The following CABLES1 variants were observed in gnomAD, a reference collection of about 807,000 sequenced individuals.
CABLES1 encodes the protein CDK5 and ABL1 enzyme substrate 1.
A neutral mutation model predicts 57.8 loss-of-function variants in CABLES1; 36 were observed. That is an observed-to-expected ratio of 0.62 (90% CI 0.48 to 0.82). The LOEUF (loss-of-function observed/expected upper bound fraction) is 0.82. Ranked by LOEUF, CABLES1 falls within the 40% of genes least tolerant of loss-of-function variation. The pLI, the probability that CABLES1 is intolerant of heterozygous loss-of-function variation, is 0.00. For synonymous variants in CABLES1, 374 were observed against 363.0 expected (o/e 1.03, Z -0.35); for missense variants, 767 against 836.6 (o/e 0.92, Z 1.03).
chr18:23,202,595 C>A (rs1281046960), intron 3 of CABLES1, among the ~76,000 whole-genome samples: 2 of 152,224 alleles, frequency 1.3e-5, no homozygotes, highest in African/African-American at 4.8e-5. Context: ...CCATTAGATA[C>A]ACCCTTGAAG....
intron 2 of CABLES1, among the ~76,000 whole-genome samples, chr18:23,190,869 G>A (rs1037382525): frequency 1.3e-5 from 2 of 152,004 alleles, no homozygotes; most frequent in African/African-American, 4.8e-5. Context: ...TAGTCTAGGA[G>A]TTCAAGACCA....
intron 3 of CABLES1, among the ~76,000 whole-genome samples, chr18:23,207,295 T>A (rs1320095846): frequency 1.3e-5 from 2 of 152,140 alleles, no homozygotes; most frequent in Admixed American, 6.5e-5. Context: ...CAGAGGGGAG[T>A]GGAAACGCTG....
intron 1 of CABLES1, among the ~76,000 whole-genome samples, chr18:23,169,415 G>T (rs2047066862): frequency 6.6e-6 from 1 of 152,152 alleles, no homozygotes; most frequent in Non-Finnish European, 1.5e-5. Context: ...TTCCAGTAAT[G>T]TAAGTATGCA....
chr18:23,216,079 A>G (rs1268281924), intron 4 of CABLES1, among the ~76,000 whole-genome samples: 1 of 152,168 alleles, frequency 6.6e-6, no homozygotes, highest in Non-Finnish European at 1.5e-5. Flanking sequence ...TACATGCTGG[A>G]GATACCCAGT....
Position 23,156,133 on chromosome 18 carries a change from G to A in CABLES1, c.845+19526G>A, listed in dbSNP as rs189635247. ...CTGGAGGGTGGTGTGAATGGCATGA[G>A]GTCATCTGGAACAGAGGGGGGGCTC... On this transcript the variant is annotated intron_variant, in intron 1 of 9. Coordinates refer to ENST00000256925, the MANE Select transcript of CABLES1 (RefSeq NM_001100619.3). Among the ~76,000 whole-genome samples, 12 of 152,296 alleles carry A rather than the reference G, an allele frequency of 7.9e-5. No homozygotes were observed. In the East Asian group the frequency reaches 1.9e-3, roughly 24 times the overall value.
At chr18:23,165,372 A>G (rs1200643415) in intron 1 of CABLES1, among the ~76,000 whole-genome samples, 1 of 152,182 alleles carries the variant, frequency 6.6e-6, no homozygotes, top group Non-Finnish European at 1.5e-5. Flanking sequence ...CACTGAGATT[A>G]CAAGGTGTAA....
At chr18:23,155,078 CTG>C (rs2046956940) in intron 1 of CABLES1, among the ~76,000 whole-genome samples, 1 of 152,276 alleles carries the variant, frequency 6.6e-6, no homozygotes, top group Non-Finnish European at 1.5e-5. Flanking sequence ...ATCCAGTACT[CTG>C]TGAGCAGCAG....
At chr18:23,206,106 C>T (rs754201099) in intron 3 of CABLES1, among the ~76,000 whole-genome samples, 3 of 152,180 alleles carry the variant, frequency 2.0e-5, no homozygotes, top group Non-Finnish European at 4.4e-5. Flanking sequence ...GCTCTGACTT[C>T]GTGAGCTTTT....
intron 1 of CABLES1, among the ~76,000 whole-genome samples, chr18:23,185,797 T>C (rs2047198527): frequency 6.6e-6 from 1 of 152,246 alleles, no homozygotes; most frequent in South Asian, 2.1e-4. Context: ...TATACATTTA[T>C]TTCTGCCTGT....
intron 7 of CABLES1, among the ~76,000 whole-genome samples, chr18:23,246,426 C>G (rs1416110985): frequency 6.6e-6 from 1 of 151,970 alleles, no homozygotes; most frequent in Non-Finnish European, 1.5e-5. Context: ...GAGTCTTGCT[C>G]TGTCGCCCAG....
At chr18:23,161,626 C>T (rs923122035) in intron 1 of CABLES1, among the ~76,000 whole-genome samples, 8 of 150,742 alleles carry the variant, frequency 5.3e-5, no homozygotes, top group East Asian at 1.9e-4. Context: ...AAATGATAAT[C>T]GGGGCCGGGT....
At chr18:23,195,494 C>A (rs376941823) in intron 3 of CABLES1, among the ~76,000 whole-genome samples, 1 of 152,160 alleles carries the variant, frequency 6.6e-6, no homozygotes, top group African/African-American at 2.4e-5. Flanking sequence ...CTGTAAGTCG[C>A]GAGTAAAGTA....
At chr18:23,175,920 C>T (rs887586538) in intron 1 of CABLES1, among the ~76,000 whole-genome samples, 1 of 152,118 alleles carries the variant, frequency 6.6e-6, no homozygotes, top group African/African-American at 2.4e-5. Context: ...TACCTGCTGT[C>T]AGGTTGGAGA....
chr18:23,184,278 C>T (rs188753535), intron 1 of CABLES1, among the ~76,000 whole-genome samples: 2 of 151,354 alleles, frequency 1.3e-5, no homozygotes, highest in African/African-American at 2.4e-5. Context: ...AGTGCCCATG[C>T]GTGCTAATGT....
intron 1 of CABLES1, among the ~76,000 whole-genome samples, chr18:23,166,648 A>G (rs2047044784): frequency 6.6e-6 from 1 of 152,246 alleles, no homozygotes; most frequent in Non-Finnish European, 1.5e-5. Flanking sequence ...TTAGTGTAGG[A>G]CACGCACACA....
At chr18:23,228,194 A>G (rs2047541914) in intron 4 of CABLES1, among the ~76,000 whole-genome samples, 1 of 152,198 alleles carries the variant, frequency 6.6e-6, no homozygotes, top group South Asian at 2.1e-4. Flanking sequence ...CTAATAGGGA[A>G]TCTTGTTTTC....
intron 4 of CABLES1, among the ~76,000 whole-genome samples, chr18:23,217,085 TTTTTG>T (rs2047447943): frequency 6.6e-6 from 1 of 152,032 alleles, no homozygotes; most frequent in South Asian, 2.1e-4. Flanking sequence ...TTGTTTTTTG[TTTTTG>T]TTTGTTTTTG....
At position 23,244,490 on chromosome 18, in the gene CABLES1, G is replaced by C. The variant is rs563480513; in HGVS notation, c.1446+7245G>C. Among the ~76,000 whole-genome samples the C allele has an allele frequency of 3.9e-5, 6 of 152,344 alleles. No individual in the cohort carries two copies. In the South Asian group the frequency reaches 1.2e-3, roughly 32 times the overall value. On this transcript the variant is annotated intron_variant, in intron 7 of 9. Coordinates refer to ENST00000256925, the MANE Select transcript of CABLES1 (RefSeq NM_001100619.3). ...TTCCATAGTTTCCTTGTGATTTACT[G>C]TCCTCTAAGGGAAAGGATTAAATGC...
At chr18:23,234,480 G>A (rs1257014463) in intron 4 of CABLES1, 128 bp from the exon 5 acceptor site, 1 of 706,350 alleles carries the variant, frequency 1.4e-6, no homozygotes, top group East Asian at 2.7e-5. Flanking sequence ...ACAACGGGCT[G>A]TCCCATCACC....
Sources: gnomAD v4.1 joint callset for allele counts (sites outside exome capture counted in the v4.1 genomes callset) on GRCh38, gnomAD v4.1.1 for gene constraint, MANE v1.5 for transcripts, NCBI Gene and HGNC (gene_info 2026-07-23, HGNC 2026-07-21) for gene names.